PLEKHG1: variants seen among roughly 807,000 people sequenced by gnomAD.
The protein encoded by PLEKHG1 is pleckstrin homology domain-containing family G member 1.
In PLEKHG1, 44 loss-of-function variants were observed where a neutral mutation model predicts 100.8. The ratio of observed to expected loss-of-function variants is 0.44; its 90% CI spans 0.34 to 0.56. PLEKHG1 has a LOEUF of 0.56. Ranked by LOEUF, PLEKHG1 falls within the 20% of genes least tolerant of loss-of-function variation. PLEKHG1 has a pLI of 0.01. For synonymous variants in PLEKHG1, 640 were observed against 662.5 expected, an observed-to-expected ratio of 0.97 and a Z score of 0.52; for missense variants, 1,545 against 1,720.9, an observed-to-expected ratio of 0.90 and a Z score of 1.81.
intron 10 of PLEKHG1, among the ~76,000 whole-genome samples, chr6:150,811,760 C>T (rs1394002404): frequency 6.6e-6 from 1 of 152,024 alleles, no homozygotes; most frequent in African/African-American, 2.4e-5. Context: ...GGGCAGGAGC[C>T]CCTGGAGGGC....
chr6:150,694,693 G>T, intron 3 of PLEKHG1, among the ~76,000 whole-genome samples: 1 of 133,722 alleles, frequency 7.5e-6, no homozygotes, highest in South Asian at 2.6e-4. Context: ...GTGAGACTCT[G>T]TCTCAAAAAA....
chr6:150,763,291 A>T (rs369016324), intron 2 of PLEKHG1, among the ~76,000 whole-genome samples: 1 of 152,028 alleles, frequency 6.6e-6, no homozygotes. Flanking sequence ...TCAGCCTCCC[A>T]AAGTGTGGGG....
intron 3 of PLEKHG1, among the ~76,000 whole-genome samples, chr6:150,684,922 C>T (rs1399728997): frequency 1.3e-5 from 2 of 152,142 alleles, no homozygotes; most frequent in Non-Finnish European, 2.9e-5. Context: ...AGCATCGCTG[C>T]GTTTTCTCTG....
rs559900559 is a variant in PLEKHG1 at position 150,652,729 on chromosome 6, A to G, written c.-99+1943A>G. On this transcript the variant is annotated intron_variant, in intron 3 of 3. Transcript: ENST00000367326. The stretch of plus-strand genomic sequence containing the variant: ...GAGCAAAACTGTGTCTCAAAAAAAA[A>G]AAAAAAGAAAAAAGGAAAAAGGTTT... 3.3e-5 allele frequency among the ~76,000 whole-genome samples: 5 copies of G among 152,152 alleles called. No homozygotes were observed. In the South Asian group the frequency reaches 6.2e-4, roughly 19 times the overall value.
At chr6:150,803,726 G>A (rs922577359) in intron 6 of PLEKHG1, among the ~76,000 whole-genome samples, 2 of 152,242 alleles carry the variant, frequency 1.3e-5, no homozygotes, top group African/African-American at 2.4e-5. Context: ...ACAGGAAAAT[G>A]TGCTAAAATG....
intron 1 of PLEKHG1, among the ~76,000 whole-genome samples, chr6:150,607,917 A>G (rs897889433): frequency 6.6e-6 from 1 of 152,110 alleles, no homozygotes; most frequent in Non-Finnish European, 1.5e-5. Context: ...CATGGAGGAA[A>G]ACCTTGGTGG....
At chr6:150,632,918 T>G (rs1777822470) in intron 1 of PLEKHG1, 1 of 152,266 alleles carries the variant, frequency 6.6e-6, no homozygotes. Context: ...TGATTTCATT[T>G]GAATTTCCCC....
rs559125470 is a variant in PLEKHG1 at position 150,656,592 on chromosome 6, C to G, written c.-99+5806C>G. Among the ~76,000 whole-genome samples, 6 of 152,306 alleles carry G rather than the reference C, an allele frequency of 3.9e-5. No homozygotes were observed. In the South Asian group the frequency reaches 1.2e-3, roughly 32 times the overall value. On this transcript the variant is annotated intron_variant, in intron 3 of 3. Coordinates refer to the PLEKHG1 transcript ENST00000367326. ...TTCCCAAACTTCATTAAGCATGGAG[C>G]ACCTCCTTTCATGCTACCACTCCTT...
chr6:150,806,164 G>T (rs1378028743), intron 7 of PLEKHG1, among the ~76,000 whole-genome samples: 1 of 148,986 alleles, frequency 6.7e-6, no homozygotes, highest in Non-Finnish European at 1.5e-5. Flanking sequence ...CCAGAGTGTG[G>T]TGTGATGCCA....
rs573142103 is a variant in PLEKHG1 at position 150,802,648 on chromosome 6, C to T, written c.780+1779C>T. The stretch of plus-strand genomic sequence containing the variant: ...TTTATAATTGATTAGAGGGCTCCCT[C>T]TATGTCATTCACATCATTTTTTTTT... On this transcript the variant is annotated intron_variant, in intron 6 of 15. Transcript: ENST00000358517. Among the ~76,000 whole-genome samples, 181 of 143,970 alleles carry T rather than the reference C, an allele frequency of 1.3e-3. 2 individuals are homozygous for T. The highest frequency in any genetic ancestry group is 4.5e-3 in the African/African-American group (175 of 38,614). 94.4% of individuals were successfully genotyped at this position (143,970 alleles called of 152,430 possible).
intron 1 of PLEKHG1, among the ~76,000 whole-genome samples, chr6:150,603,673 T>TAA (rs150269179): frequency 1.3e-5 from 2 of 151,548 alleles, no homozygotes; most frequent in African/African-American, 4.9e-5. Flanking sequence ...AACCTAAGGT[T>TAA]AAAAAAAACA....
At chr6:150,754,017 T>C (rs1783679522) in intron 2 of PLEKHG1, among the ~76,000 whole-genome samples, 1 of 152,236 alleles carries the variant, frequency 6.6e-6, no homozygotes, top group Non-Finnish European at 1.5e-5. Context: ...CTACTAACTG[T>C]TGATACCAGT....
chr6:150,689,306 C>A (rs998044001), intron 3 of PLEKHG1, among the ~76,000 whole-genome samples: 2 of 152,104 alleles, frequency 1.3e-5, no homozygotes, highest in Non-Finnish European at 2.9e-5. Context: ...CCAACCTGGT[C>A]ATGAAATCCT....
At chr6:150,665,889 G>A (rs1168806779) in intron 3 of PLEKHG1, among the ~76,000 whole-genome samples, 1 of 152,036 alleles carries the variant, frequency 6.6e-6, no homozygotes, top group Non-Finnish European at 1.5e-5. Flanking sequence ...ATAAGGGGAA[G>A]GCACAGTTAA....
chr6:150,786,653 G>C (rs1052231902), intron 4 of PLEKHG1, among the ~76,000 whole-genome samples, 194 bp downstream of exon 5: 1 of 152,082 alleles, frequency 6.6e-6, no homozygotes, highest in East Asian at 1.9e-4. Flanking sequence ...AGTTGTTCTA[G>C]AACTTGTACA....
At chr6:150,653,388 T>C (rs1009704254) in intron 3 of PLEKHG1, among the ~76,000 whole-genome samples, 1 of 151,958 alleles carries the variant, frequency 6.6e-6, no homozygotes, top group Non-Finnish European at 1.5e-5. Context: ...ACCTGTGTTA[T>C]AGGTCAGGCT....
At position 150,779,580 on chromosome 6, in the gene PLEKHG1, A is replaced by G. The variant is rs539574721; in HGVS notation, c.513-6810A>G. Among the ~76,000 whole-genome samples, 77 of 151,626 alleles carry G rather than the reference A, an allele frequency of 5.1e-4. No individual in the cohort carries two copies. The East Asian group carries it at 0.014, about 27-fold the overall frequency. On this transcript the variant is annotated intron_variant, in intron 3 of 15. Transcript: ENST00000358517. ...AGGTTGGTCTCAAACTCCTGACCTC[A>G]GGTGATCCGCCCGCCTCGGCCTCCT...
intron 1 of PLEKHG1, among the ~76,000 whole-genome samples, chr6:150,602,055 G>GT (rs978690086): frequency 6.6e-5 from 10 of 152,236 alleles, no homozygotes; most frequent in African/African-American, 2.4e-4. Context: ...GTCCTATGTT[G>GT]TGTTCCCCCT....
At chr6:150,808,364 G>A (rs1787267455) in intron 7 of PLEKHG1, among the ~76,000 whole-genome samples, 1 of 152,062 alleles carries the variant, frequency 6.6e-6, no homozygotes, top group East Asian at 1.9e-4. Context: ...AATTACTTAT[G>A]TGTGGTATGA....
Sources: gnomAD v4.1 joint callset for allele counts (sites outside exome capture counted in the v4.1 genomes callset) on GRCh38, gnomAD v4.1.1 for gene constraint, MANE v1.5 for transcripts, NCBI Gene and HGNC (gene_info 2026-07-23, HGNC 2026-07-21) for gene names.